Variants in POLQ observed in about 807,000 individuals in gnomAD.
The protein encoded by POLQ is epididymis secretory sperm binding protein.
A neutral mutation model predicts 259.2 loss-of-function variants in POLQ; 233 were observed. The observed-to-expected ratio is 0.90, with a 90% confidence interval of 0.81 to 1.00. The LOEUF (loss-of-function observed/expected upper bound fraction) is 1.00, where lower values mean the gene tolerates loss of function less well. Among genes scored for constraint, POLQ ranks in the 50% least tolerant of loss-of-function variants. The pLI is 0.00. For synonymous variants in POLQ, 1,025 were observed against 1,048.8 expected (o/e 0.98, Z 0.44); for missense variants, 2,871 against 3,051.6 (o/e 0.94, Z 1.39).
At chr3:121,494,642 G>A (rs1052111705) in intron 14 of POLQ, 12 of 1,508,336 alleles carry the variant, frequency 8.0e-6, no homozygotes, top group Non-Finnish European at 1.1e-5. Flanking sequence ...TAAAATGGGG[G>A]TCCCTTACTG....
rs1248062590 is a variant in POLQ at position 121,487,454 on chromosome 3, G to C, written c.5477C>G (p.Ser1826Cys). The C allele has an allele frequency of 1.3e-5, 21 of 1,613,864 alleles. No individual in the cohort carries two copies. Among genetic ancestry groups the C allele is most frequent in the Non-Finnish European group, 1.8e-5 (21 of 1,179,972 alleles). The change falls in exon 16 of 30, where the codon TCC becomes TGC. Residue 1826 changes from serine (S) to cysteine (C), a missense_variant. By Grantham distance (112) the Ser-to-Cys change is moderately radical. Transcript: ENST00000264233. ...TTGGTCACTTGCTACATCAATTATG[G>C]ACAAACTTTCTGAACTGCTTGAGGC... ...TPASSSSESL[S>C]IIDVASDQNL...
Position 121,489,186 on chromosome 3 carries a change from G to T in POLQ, c.3745C>A (p.Pro1249Thr), listed in dbSNP as rs140585310. 6.1e-5 allele frequency: 99 copies of T among 1,612,312 alleles called. No homozygotes were observed. In the African/African-American group the frequency reaches 9.6e-4, roughly 16 times the overall value. The change falls in exon 16 of 30, where the codon CCA becomes ACA. Residue 1249 changes from proline to threonine, a missense_variant. Physicochemically the swap from Pro to Thr is conservative, Grantham distance 38. This residue lies in a region of POLQ where 2,080 missense variants were observed against 2,126.0 expected (regional missense o/e 0.98). Transcript: ENST00000264233. ...RIKLNTEENK[P>T]SHFQALGDDI... ...TCTCCTAATGCCTGAAAATGACTTG[G>T]TTTATTTTCCTCTGTATTAAGCTTT... is the stretch of plus-strand genomic sequence containing the variant.
At chr3:121,519,820 T>C (rs774170750) in intron 9 of POLQ, 51 bp downstream of exon 9, 1 of 1,023,284 alleles carries the variant, frequency 9.8e-7, no homozygotes, top group Non-Finnish European at 1.6e-6. Flanking sequence ...AAATTTCAAG[T>C]AGACACTGTC....
chr3:121,453,745 CTA>C (rs1452946256), intron 25 of POLQ, among the ~76,000 whole-genome samples: 3 of 152,116 alleles, frequency 2.0e-5, no homozygotes, highest in African/African-American at 7.2e-5. Context: ...AAGACCAAAT[CTA>C]TGTCTCACTG....
chr3:121,469,406 GC>G (rs1400848030), intron 22 of POLQ, among the ~76,000 whole-genome samples: 1 of 152,090 alleles, frequency 6.6e-6, no homozygotes, highest in Non-Finnish European at 1.5e-5. Flanking sequence ...CTGTCTACTA[GC>G]TATGTATAAC....
At chr3:121,508,016 A>ATTTTTTTTTTT (rs4048669) in intron 12 of POLQ, among the ~76,000 whole-genome samples, 6 of 129,648 alleles carry the variant, frequency 4.6e-5, no homozygotes, top group African/African-American at 5.9e-5. Flanking sequence ...ACCATACACA[A>ATTTTTTTTTTT]TTTTTTTTTT....
chr3:121,505,556 A>G (rs2048201931), intron 12 of POLQ, among the ~76,000 whole-genome samples: 1 of 152,236 alleles, frequency 6.6e-6, no homozygotes, highest in South Asian at 2.1e-4. Context: ...AAATGTACCC[A>G]AATACAAATG....
intron 26 of POLQ, among the ~76,000 whole-genome samples, chr3:121,447,550 T>C (rs994056167): frequency 1.3e-5 from 2 of 152,206 alleles, no homozygotes; most frequent in African/African-American, 4.8e-5. Context: ...TTGATTAATA[T>C]TTTTGTCTTT....
At chr3:121,451,570 C>T (rs1361181982) in intron 25 of POLQ, among the ~76,000 whole-genome samples, 1 of 152,192 alleles carries the variant, frequency 6.6e-6, no homozygotes, top group Non-Finnish European at 1.5e-5. Flanking sequence ...CTCTGTTTGC[C>T]TCGGTATGAG....
intron 16 of POLQ, among the ~76,000 whole-genome samples, chr3:121,485,729 G>A (rs914459330): frequency 1.3e-5 from 2 of 152,068 alleles, no homozygotes; most frequent in Non-Finnish European, 2.9e-5. Context: ...TTAAATTTAG[G>A]TGAACTTTTT....
At chr3:121,500,814 A>C (rs1461924258) in intron 12 of POLQ, among the ~76,000 whole-genome samples, 1 of 152,232 alleles carries the variant, frequency 6.6e-6, no homozygotes, top group Non-Finnish European at 1.5e-5. Context: ...TCTTGAAAAC[A>C]GCAAGAAAAA....
chr3:121,494,435 A>G (rs1441352502), intron 14 of POLQ: 1 of 1,541,438 alleles, frequency 6.5e-7, no homozygotes, highest in African/African-American at 1.4e-5. Context: ...AAGGCAAGAG[A>G]AGAAGCAGAG....
rs1324642725 is a variant in POLQ at position 121,489,717 on chromosome 3, G to C, written c.3214C>G (p.Leu1072Val). The change falls in exon 16 of 30, where the codon CTG becomes GTG. Residue 1072 changes from leucine to valine, a missense_variant. By Grantham distance (32) the Leu-to-Val change is conservative (BLOSUM62 1). This residue lies in a region of POLQ where 2,080 missense variants were observed against 2,126.0 expected (regional missense o/e 0.98). Transcript: ENST00000264233. ...TCTTCACAAAGACTAGGATTAGACA[G>C]AGTCTGTCCTTGTAAATGGATTCTA... The part of the protein sequence containing the change: ...ACRIHLQGQT[L>V]SNPSLCEDPF... 5 of 1,612,718 alleles carry C rather than the reference G, an allele frequency of 3.1e-6. No homozygotes were observed. The highest frequency in any genetic ancestry group is 4.2e-6 in the Non-Finnish European group (5 of 1,179,710).
At chr3:121,496,998 GA>G in intron 13 of POLQ, 66 bp from the exon 14 acceptor site, 3 of 1,535,496 alleles carry the variant, frequency 2.0e-6, no homozygotes, top group Non-Finnish European at 1.8e-6. Context: ...ACAGTGTGTT[GA>G]AAAATGACTA....
Position 121,431,929 on chromosome 3 carries a change from C to A in POLQ, c.*375G>T. 1 of 171,396 alleles carries A rather than the reference C, an allele frequency of 5.8e-6. No individual in the cohort carries two copies. 10.6% of individuals were successfully genotyped at this position (171,396 alleles called of 1,614,324 possible). A position where few individuals can be genotyped will look rare whatever the true frequency, so the allele number is the denominator to read the frequency against. ...ATCTGCCTATGGCTGCTGTCTGGGT[C>A]GATTGAGGCAGCAGCTTCATTTTCT... On this transcript the variant is annotated 3_prime_UTR_variant, in exon 30 of 30. Transcript: ENST00000264233.
At chr3:121,449,482 AG>A (rs2047655999) in intron 25 of POLQ, 56 bp from the exon 26 acceptor site, 1 of 933,422 alleles carries the variant, frequency 1.1e-6, no homozygotes, top group South Asian at 1.4e-5. Context: ...TGCAAATAAA[AG>A]GGTTCATTAG....
intron 25 of POLQ, among the ~76,000 whole-genome samples, chr3:121,452,026 C>A (rs907586211): frequency 6.6e-6 from 1 of 152,182 alleles, no homozygotes; most frequent in East Asian, 1.9e-4. Context: ...CCTTGCAGTT[C>A]GATCTCAGAC....
chr3:121,445,635 G>T (rs2047626619), intron 26 of POLQ, among the ~76,000 whole-genome samples: 1 of 152,236 alleles, frequency 6.6e-6, no homozygotes, highest in South Asian at 2.1e-4. Flanking sequence ...GGCCAAGATG[G>T]GCAGATCACT....
intron 26 of POLQ, among the ~76,000 whole-genome samples, chr3:121,441,798 C>CA (rs748176325): frequency 6.6e-6 from 1 of 152,110 alleles, no homozygotes; most frequent in Admixed American, 6.5e-5. Flanking sequence ...TAACTTTACA[C>CA]AAAAAAGCCA....
Sources: gnomAD v4.1 joint callset for allele counts (sites outside exome capture counted in the v4.1 genomes callset) on GRCh38, gnomAD v4.1.1 for gene constraint, gnomAD v4.1.1 regional missense constraint, MANE v1.5 for transcripts, NCBI Gene and HGNC (gene_info 2026-07-23, HGNC 2026-07-21) for gene names.